The following GCM1 variants were observed in gnomAD, a reference collection of about 807,000 sequenced individuals.
The protein encoded by GCM1 is chorion-specific transcription factor GCMa.
In GCM1, 2 loss-of-function variants were observed where a neutral mutation model predicts 25.7. The observed-to-expected ratio is 0.08, with a 90% confidence interval of 0.03 to 0.24. The LOEUF is 0.24. Among genes scored for constraint, GCM1 ranks in the 10% least tolerant of loss-of-function variants. The pLI is 1.00. For synonymous variants in GCM1, 183 were observed against 195.7 expected (o/e 0.94, Z 0.54); for missense variants, 395 against 538.7 (o/e 0.73, Z 2.64).
chr6:53,131,361 T>C (rs1351770117), intron 4 of GCM1, among the ~76,000 whole-genome samples: 1 of 152,224 alleles, frequency 6.6e-6, no homozygotes, highest in African/African-American at 2.4e-5. Flanking sequence ...TTCCCCTACC[T>C]GGAGCTGGCC....
At chr6:53,148,097 T>G (rs575770632) in intron 1 of GCM1, among the ~76,000 whole-genome samples, 1 of 152,312 alleles carries the variant, frequency 6.6e-6, no homozygotes, top group African/African-American at 2.4e-5. Context: ...TTAAGTAAAA[T>G]TCTATGTTTA....
rs1037059222 is a variant in GCM1, at chr6:53,135,651, G to A, written c.76-1327C>T. Among the ~76,000 whole-genome samples the A allele has an allele frequency of 1.2e-4, 19 of 152,252 alleles. No individual in the cohort carries two copies. In the East Asian group the frequency reaches 1.3e-3, roughly 11 times the overall value. ...AACTTAGGCTGTGCCCATGCCCTAC[G>A]GCTTTCAGAGACTTAGCATGGTGTA... On this transcript the variant is annotated intron_variant, in intron 2 of 5. Transcript: ENST00000259803.
At chr6:53,147,425 G>GTTT (rs70980807) in intron 1 of GCM1, among the ~76,000 whole-genome samples, 1 of 93,556 alleles carries the variant, frequency 1.1e-5, no homozygotes, top group African/African-American at 4.1e-5. Context: ...AGTTTTTATT[G>GTTT]TTTTTTTTTT....
chr6:53,140,296 C>T (rs887106297), intron 2 of GCM1, among the ~76,000 whole-genome samples: 3 of 152,046 alleles, frequency 2.0e-5, no homozygotes, highest in African/African-American at 7.2e-5. Context: ...CTGTTAGCTC[C>T]CTAGCACCAA....
chr6:53,147,425 GTT>G (rs70980807), intron 1 of GCM1, among the ~76,000 whole-genome samples: 5,449 of 93,248 alleles, frequency 0.058, 215 homozygotes, highest in East Asian at 0.19. Context: ...AGTTTTTATT[GTT>G]TTTTTTTTTT....
chr6:53,139,517 G>A (rs868625461), intron 2 of GCM1, among the ~76,000 whole-genome samples: 170 of 142,266 alleles, frequency 1.2e-3, no homozygotes, highest in Middle Eastern at 3.6e-3. Flanking sequence ...AAAAAAAAAA[G>A]GGGGAATTAC....
chr6:53,141,038 T>G (rs2518578), intron 2 of GCM1, among the ~76,000 whole-genome samples: 118,440 of 152,050 alleles, frequency 0.78, 46,650 homozygotes, highest in South Asian at 0.89. Flanking sequence ...TTACACAAAC[T>G]CTTCTGGCCT....
intron 1 of GCM1, among the ~76,000 whole-genome samples, chr6:53,148,012 A>T (rs945878375): frequency 2.6e-5 from 4 of 152,196 alleles, no homozygotes; most frequent in Non-Finnish European, 5.9e-5. Flanking sequence ...CTGAGCTACA[A>T]CCTAGTGGTT....
chr6:53,129,051 T>C lies in GCM1; in HGVS notation c.571-105A>G, dbSNP rs1182277494. The C allele has an allele frequency of 9.4e-6, 8 of 855,492 alleles. No homozygotes were observed. The Admixed American group carries it at 1.4e-4, about 15-fold the overall frequency. The allele number at this position is 855,492 out of a possible 1,614,324, so 53.0% of individuals were successfully genotyped here. A position where few individuals can be genotyped will look rare whatever the true frequency, so the allele number is the denominator to read the frequency against. ...GTACAAATAAGAGCTCCATCAGATT[T>C]TCCTCATTCCTTACACATTAATACT... On this transcript the variant is annotated intron_variant, in intron 5 of 5. Transcript: ENST00000259803.
chr6:53,131,772 G>T (rs1763730592), intron 4 of GCM1, among the ~76,000 whole-genome samples: 1 of 152,186 alleles, frequency 6.6e-6, no homozygotes, highest in Non-Finnish European at 1.5e-5. Flanking sequence ...GCTAACCTCA[G>T]TGTGACTAGA....
chr6:53,146,824 T>C (rs73445599), intron 1 of GCM1, among the ~76,000 whole-genome samples: 9,222 of 152,162 alleles, frequency 0.061, 673 homozygotes, highest in African/African-American at 0.18. Context: ...CTTAAGTCTA[T>C]GAGTTCAAGA....
intron 2 of GCM1, among the ~76,000 whole-genome samples, chr6:53,139,587 G>GCC (rs2127509786): frequency 6.6e-6 from 1 of 151,882 alleles, no homozygotes; most frequent in East Asian, 1.9e-4. Context: ...CTCAGGACAG[G>GCC]CCAGGCGCGG....
chr6:53,133,724 C>T (rs568645363), intron 3 of GCM1, among the ~76,000 whole-genome samples: 1 of 152,162 alleles, frequency 6.6e-6, no homozygotes, highest in South Asian at 2.1e-4. Flanking sequence ...GAACACCTGG[C>T]CTCAATTTAT....
At chr6:53,137,633 C>G (rs1435112054) in intron 2 of GCM1, among the ~76,000 whole-genome samples, 2 of 151,930 alleles carry the variant, frequency 1.3e-5, no homozygotes, top group Admixed American at 1.3e-4. Context: ...ACTAAAAAAA[C>G]AAAACAAAAC....
At chr6:53,134,689 C>T (rs970855182) in intron 2 of GCM1, among the ~76,000 whole-genome samples, 8 of 152,106 alleles carry the variant, frequency 5.3e-5, no homozygotes, top group African/African-American at 1.9e-4. Flanking sequence ...AAAACAGGGC[C>T]CAGTGTGGTA....
At chr6:53,143,183 C>T (rs1200532967) in intron 2 of GCM1, among the ~76,000 whole-genome samples, 5 of 152,294 alleles carry the variant, frequency 3.3e-5, no homozygotes, top group African/African-American at 7.2e-5. Context: ...CAGCTATTTC[C>T]GTGAGCAATC....
chr6:53,146,575 G>A (rs980298016), intron 1 of GCM1, among the ~76,000 whole-genome samples: 2 of 152,162 alleles, frequency 1.3e-5, no homozygotes, highest in Non-Finnish European at 2.9e-5. Flanking sequence ...TTTGGTCTCT[G>A]CAATAAATCC....
At position 53,127,932 on chromosome 6, in the gene GCM1, C is replaced by T. The variant is rs946349992; in HGVS notation, c.*274G>A. 11 of 227,046 alleles carry T rather than the reference C, an allele frequency of 4.8e-5. No homozygotes were observed. Among genetic ancestry groups the T allele is most frequent in the Middle Eastern group, 1.5e-3 (1 of 648 alleles). The allele number at this position is 227,046 out of a possible 1,614,324, so 14.1% of individuals were successfully genotyped here. Reference sequence around the variant, plus strand: ...TAATCCCAGCTACTCGGGAGGCTGACGCAGGAGAATCACTCAAACCCGGGA... The same window carrying T: ...TAATCCCAGCTACTCGGGAGGCTGATGCAGGAGAATCACTCAAACCCGGGA... On this transcript the variant is annotated 3_prime_UTR_variant, in exon 6 of 6. Coordinates refer to ENST00000259803, the MANE Select transcript of GCM1 (RefSeq NM_003643.4).
At chr6:53,133,242 G>A (rs2127508533) in intron 3 of GCM1, among the ~76,000 whole-genome samples, 1 of 152,302 alleles carries the variant, frequency 6.6e-6, no homozygotes, top group East Asian at 1.9e-4. Context: ...TTGGCCCACT[G>A]CAACCTCCAC....
Sources: gnomAD v4.1 joint callset for allele counts (sites outside exome capture counted in the v4.1 genomes callset) on GRCh38, gnomAD v4.1.1 for gene constraint, MANE v1.5 for transcripts, NCBI Gene and HGNC (gene_info 2026-07-23, HGNC 2026-07-21) for gene names.